RPAP3: variants seen among roughly 807,000 people sequenced by gnomAD.
RPAP3 encodes the protein RNA polymerase II-associated protein 3.
In RPAP3, 58 loss-of-function variants were observed where a neutral mutation model predicts 88.8. That is an observed-to-expected ratio of 0.65 (90% CI 0.53 to 0.81). The LOEUF is 0.81. RPAP3 is among the 40% of genes least tolerant of loss of function. The probability of loss-of-function intolerance (pLI) is 0.00; values close to 1 mark genes in which losing one functional copy is unlikely to be tolerated. For synonymous variants in RPAP3, 255 were observed against 259.9 expected (o/e 0.98, Z 0.18); for missense variants, 751 against 764.3 (o/e 0.98, Z 0.20).
At chr12:47,667,471 A>G (rs947899971) in intron 15 of RPAP3, among the ~76,000 whole-genome samples, 1 of 152,206 alleles carries the variant, frequency 6.6e-6, no homozygotes, top group African/African-American at 2.4e-5. Flanking sequence ...CTAATTTGCT[A>G]TATACATTCA....
chr12:47,691,024 T>C (rs1369129281), intron 5 of RPAP3, among the ~76,000 whole-genome samples: 1 of 152,200 alleles, frequency 6.6e-6, no homozygotes, highest in Non-Finnish European at 1.5e-5. Context: ...ATCTGAGTCT[T>C]TAGTGAATAT....
At chr12:47,690,080 C>T (rs1939401108) in intron 6 of RPAP3, among the ~76,000 whole-genome samples, 2 of 150,922 alleles carry the variant, frequency 1.3e-5, no homozygotes, top group African/African-American at 4.9e-5. Context: ...TAAGCAGCAG[C>T]AAAATCCAAT....
At chr12:47,680,663 T>G (rs901565134) in intron 10 of RPAP3, among the ~76,000 whole-genome samples, 1 of 151,624 alleles carries the variant, frequency 6.6e-6, no homozygotes, top group Non-Finnish European at 1.5e-5. Flanking sequence ...GGAAATTAAA[T>G]AGAAAACACA....
intron 12 of RPAP3, among the ~76,000 whole-genome samples, chr12:47,673,229 G>A (rs1939036360): frequency 6.6e-6 from 1 of 151,898 alleles, no homozygotes; most frequent in Non-Finnish European, 1.5e-5. Context: ...GATCACTTGA[G>A]GTCAGGAGTT....
rs112388897 is a variant in RPAP3, at chr12:47,706,025, T to A, written c.-80A>T. ...GACTCACGCCGAGCCCGGCAGTGAC[T>A]CACGCAAAGCCCCGCCTCCTGCGCT... On this transcript the variant is annotated 5_prime_UTR_variant, in exon 1 of 17. Coordinates refer to ENST00000005386, the MANE Select transcript of RPAP3 (RefSeq NM_024604.3). 1 of 152,528 alleles carries A rather than the reference T, an allele frequency of 6.6e-6. No homozygotes were observed. The highest frequency in any genetic ancestry group is 2.4e-5 in the African/African-American group (1 of 41,398). 9.4% of individuals were successfully genotyped at this position (152,528 alleles called of 1,614,324 possible). A position where few individuals can be genotyped will look rare whatever the true frequency, so the allele number is the denominator to read the frequency against.
chr12:47,682,022 T>C (rs1006321161), intron 9 of RPAP3, among the ~76,000 whole-genome samples: 1 of 152,106 alleles, frequency 6.6e-6, no homozygotes, highest in Non-Finnish European at 1.5e-5. Flanking sequence ...AGGTACCAGA[T>C]TGAGGGAATG....
At chr12:47,671,564 G>A (rs1938998078) in intron 12 of RPAP3, among the ~76,000 whole-genome samples, 1 of 152,102 alleles carries the variant, frequency 6.6e-6, no homozygotes, top group Admixed American at 6.6e-5. Flanking sequence ...AAATGAAAAA[G>A]CTGTAAGAAA....
Position 47,664,426 on chromosome 12 carries a change from G to A in RPAP3, c.1913-836C>T, listed in dbSNP as rs183943822. Among the ~76,000 whole-genome samples the A allele has an allele frequency of 1.6e-3, 241 of 151,854 alleles. 1 individual carries two copies. Among genetic ancestry groups the A allele is most frequent in the African/African-American group, 5.4e-3 (225 of 41,406 alleles). On this transcript the variant is annotated intron_variant, in intron 16 of 16. Transcript: ENST00000005386. Reference sequence around the variant, plus strand: ...AAATAAATAAATAAGATTATGAATCGCAAAAAAATCATATTTACTACCACT... The same window carrying A: ...AAATAAATAAATAAGATTATGAATCACAAAAAAATCATATTTACTACCACT...
Position 47,688,010 on chromosome 12 carries a change from CAT to C in RPAP3, c.739-11_739-10del, listed in dbSNP as rs773805610. ...TCTTTGGATGCTAAAGCCTAGGAGA[CAT>C]AGCAGTCAGCTAAAATAAAACAAAG... On this transcript the variant is annotated splice_polypyrimidine_tract_variant and intron_variant, in intron 7 of 16. Transcript: ENST00000005386. The C allele has an allele frequency of 2.3e-5, 37 of 1,596,876 alleles. No homozygotes were observed. The highest frequency in any genetic ancestry group is 2.6e-5 in the Non-Finnish European group (31 of 1,172,206).
At chr12:47,692,539 A>G (rs1180236431) in intron 5 of RPAP3, among the ~76,000 whole-genome samples, 1 of 152,206 alleles carries the variant, frequency 6.6e-6, no homozygotes, top group Non-Finnish European at 1.5e-5. Context: ...TAAATTGAAG[A>G]GCATTAGAGC....
chr12:47,676,075 C>T (rs1256630588), intron 12 of RPAP3, among the ~76,000 whole-genome samples: 1 of 152,210 alleles, frequency 6.6e-6, no homozygotes, highest in East Asian at 1.9e-4. Flanking sequence ...CAAATTAGAA[C>T]TCAGGATTAA....
intron 5 of RPAP3, among the ~76,000 whole-genome samples, chr12:47,694,729 A>C (rs1417854299): frequency 6.6e-6 from 1 of 152,180 alleles, no homozygotes; most frequent in Non-Finnish European, 1.5e-5. Context: ...AAAATGGAAA[A>C]TATATAAGAT....
chr12:47,671,874 C>G (rs1939005778), intron 12 of RPAP3, among the ~76,000 whole-genome samples: 1 of 151,788 alleles, frequency 6.6e-6, no homozygotes, highest in Admixed American at 6.6e-5. Flanking sequence ...AGGAGTAAAC[C>G]ATAAAAGAAA....
Position 47,669,987 on chromosome 12 carries a change from T to C in RPAP3, c.1526+120A>G, listed in dbSNP as rs187476938. The C allele has an allele frequency of 4.2e-5, 27 of 638,222 alleles. No individual in the cohort carries two copies. The East Asian group carries it at 5.9e-4, about 14-fold the overall frequency. The allele number at this position is 638,222 out of a possible 1,614,324, so 39.5% of individuals were successfully genotyped here. On this transcript the variant is annotated intron_variant, in intron 13 of 16. Coordinates refer to ENST00000005386, the MANE Select transcript of RPAP3 (RefSeq NM_024604.3). The stretch of plus-strand genomic sequence containing the variant: ...AAACAAAAAAGAAAAGCTAGAAACT[T>C]AAGTTAGGCAGTTCAAAAAATTAGC...
In RPAP3 at chr12:47,696,283, G is replaced by A; in HGVS notation, c.538C>T (p.Leu180=). The change falls in exon 5 of 17, where the codon CTG becomes TTG. Residue 180 remains leucine, a synonymous_variant. Coordinates refer to ENST00000005386, the MANE Select transcript of RPAP3 (RefSeq NM_024604.3). ...PTNRASAYFR[L]KKFAVAESDC... ...GTCACAGAAAGTCCTTACTTTTTCA[G>A]TCTAAAATATGCTGACGCTCTGTTC... 1 of 1,544,610 alleles carries A rather than the reference G, an allele frequency of 6.5e-7. No homozygotes were observed. The highest frequency in any genetic ancestry group is 1.3e-5 in the South Asian group (1 of 78,282).
intron 12 of RPAP3, among the ~76,000 whole-genome samples, chr12:47,673,334 C>T (rs752038669): frequency 1.3e-5 from 2 of 150,062 alleles, no homozygotes; most frequent in Non-Finnish European, 3.0e-5. Flanking sequence ...TCCCAGCTAC[C>T]AGGGAGGCTG....
At position 47,670,157 on chromosome 12, in the gene RPAP3, T is replaced by TG; in HGVS notation, c.1475dup (p.Arg493LysfsTer12). ...CTTCTATTTTCAATACTTTTGCTCT[T>TG]GGAGTATCACTTGTGGGAAAAAGGT... On this transcript the variant is annotated frameshift_variant, in exon 13 of 17. Coordinates refer to ENST00000005386, the MANE Select transcript of RPAP3 (RefSeq NM_024604.3). LOFTEE classifies it high-confidence loss of function. 6.2e-7 allele frequency: 1 copy of TG among 1,613,804 alleles called. No individual in the cohort carries two copies.
chr12:47,690,642 G>A lies in RPAP3; in HGVS notation c.546-3C>T. Reference sequence around the variant, plus strand: ...AATCAGACTCAGCAACAGCAAATCTGCAATTTAAAAACATTAAAATAAATA... The same window carrying A: ...AATCAGACTCAGCAACAGCAAATCTACAATTTAAAAACATTAAAATAAATA... On this transcript the variant is annotated splice_polypyrimidine_tract_variant and splice_region_variant and intron_variant, in intron 5 of 16. Transcript: ENST00000005386. The A allele has an allele frequency of 1.4e-6, 2 of 1,454,782 alleles. No homozygotes were observed. The highest frequency in any genetic ancestry group is 9.2e-7 in the Non-Finnish European group (1 of 1,089,854). The allele number at this position is 1,454,782 out of a possible 1,614,324, so 90.1% of individuals were successfully genotyped here. A position where few individuals can be genotyped will look rare whatever the true frequency, so the allele number is the denominator to read the frequency against.
chr12:47,690,616 C>A lies in RPAP3; in HGVS notation c.569G>T (p.Cys190Phe). ...TCTATTCAAGGCAACTGCTAAATTA[C>A]AATCAGACTCAGCAACAGCAAATCT... is the stretch of plus-strand genomic sequence containing the variant. ...LKKFAVAESD[C>F]NLAVALNRSY... Residue 190 changes from cysteine (C) to phenylalanine (F), a missense_variant, in exon 6 of 17, where the codon TGT (cysteine) becomes TTT (phenylalanine). Coordinates refer to ENST00000005386, the MANE Select transcript of RPAP3 (RefSeq NM_024604.3). The A allele has an allele frequency of 6.5e-7, 1 of 1,549,098 alleles. No homozygotes were observed. The highest frequency in any genetic ancestry group is 8.8e-7 in the Non-Finnish European group (1 of 1,141,348).
Sources: allele counts gnomAD v4.1 joint callset (sites outside exome capture counted in the v4.1 genomes callset), GRCh38; gene constraint gnomAD v4.1.1; transcripts MANE v1.5; gene names NCBI Gene and HGNC (gene_info 2026-07-23, HGNC 2026-07-21).